The following KLF12 variants were observed in gnomAD, a reference collection of about 807,000 sequenced individuals.
KLF12 encodes the protein Krueppel-like factor 12.
Under a neutral mutation model 37.8 loss-of-function variants are expected in KLF12, and 9 were observed. The observed-to-expected ratio is 0.24, with a 90% confidence interval of 0.14 to 0.42. The LOEUF is 0.42. Ranked by LOEUF, KLF12 falls within the 10% of genes least tolerant of loss-of-function variation. The pLI, the probability that KLF12 is intolerant of heterozygous loss-of-function variation, is 1.00. For synonymous variants in KLF12, 208 were observed against 202.1 expected, an observed-to-expected ratio of 1.03 and a Z score of -0.25; for missense variants, 411 against 516.0, an observed-to-expected ratio of 0.80 and a Z score of 1.97.
chr13:73,917,306 C>A (rs901494484), intron 3 of KLF12, among the ~76,000 whole-genome samples: 7 of 152,148 alleles, frequency 4.6e-5, no homozygotes, highest in African/African-American at 9.7e-5. Flanking sequence ...CTGGTACTAC[C>A]CCCTCTGCCT....
chr13:74,059,507 C>T (rs777716949), intron 1 of KLF12, among the ~76,000 whole-genome samples: 7 of 152,150 alleles, frequency 4.6e-5, no homozygotes, highest in African/African-American at 7.2e-5. Flanking sequence ...GATGATATCT[C>T]ATTGTGGTTT....
rs1364600438 is a variant in KLF12 at position 73,728,828 on chromosome 13, G to A, written c.870-13303C>T. On this transcript the variant is annotated intron_variant, in intron 6 of 7. Coordinates refer to ENST00000377669, the MANE Select transcript of KLF12 (RefSeq NM_007249.5). Reference sequence around the variant, plus strand: ...TGCTTGTAATTTGTTGAAGGCTTTTGAGTCTCCACCCATAAGGGATACTGG... The same window carrying A: ...TGCTTGTAATTTGTTGAAGGCTTTTAAGTCTCCACCCATAAGGGATACTGG... Among the ~76,000 whole-genome samples, 3 of 152,102 alleles carry A rather than the reference G, an allele frequency of 2.0e-5. 1 individual carries two copies. The highest frequency in any genetic ancestry group is 6.3e-3 in the Middle Eastern group (2 of 316).
At chr13:73,766,604 TG>T (rs1278852813) in intron 5 of KLF12, among the ~76,000 whole-genome samples, 2 of 152,184 alleles carry the variant, frequency 1.3e-5, no homozygotes, top group East Asian at 3.9e-4. Context: ...ATACCCTCAC[TG>T]GGGTATCAGA....
the KLF12 span, among the ~76,000 whole-genome samples, chr13:74,180,416 T>C: frequency 6.6e-6 from 1 of 152,344 alleles, no homozygotes; most frequent in South Asian, 2.1e-4. Context: ...TCTTTGCCAA[T>C]GAAGTGACCT....
the KLF12 span, among the ~76,000 whole-genome samples, chr13:74,184,888 A>T: frequency 1.3e-5 from 2 of 152,270 alleles, no homozygotes; most frequent in African/African-American, 4.8e-5. Flanking sequence ...GCATTTGTCT[A>T]AAAGTATAAT....
At chr13:73,869,669 A>G (rs1181898197) in intron 3 of KLF12, among the ~76,000 whole-genome samples, 1 of 151,914 alleles carries the variant, frequency 6.6e-6, no homozygotes, top group Non-Finnish European at 1.5e-5. Context: ...TATACTCAGC[A>G]TATAACATAG....
chr13:74,206,096 C>T, the KLF12 span, among the ~76,000 whole-genome samples: 205 of 152,216 alleles, frequency 1.3e-3, 1 homozygote, highest in African/African-American at 4.7e-3. Flanking sequence ...ACCTGAACTT[C>T]AAGTTTACAC....
At chr13:74,185,940 G>A in the KLF12 span, among the ~76,000 whole-genome samples, 1 of 152,100 alleles carries the variant, frequency 6.6e-6, no homozygotes, top group Admixed American at 6.5e-5. Context: ...CACTGCGACC[G>A]GCCAAGACTT....
At chr13:73,868,798 CA>C (rs1886326019) in intron 3 of KLF12, among the ~76,000 whole-genome samples, 1 of 152,112 alleles carries the variant, frequency 6.6e-6, no homozygotes, top group Non-Finnish European at 1.5e-5. Flanking sequence ...AAACACTTAT[CA>C]AATAAATCAC....
At chr13:73,863,909 C>T (rs902949876) in intron 3 of KLF12, among the ~76,000 whole-genome samples, 1 of 152,102 alleles carries the variant, frequency 6.6e-6, no homozygotes, top group Non-Finnish European at 1.5e-5. Flanking sequence ...GTTATAAAGA[C>T]TATAAATACT....
chr13:73,806,978 C>T (rs1022160153), intron 5 of KLF12, among the ~76,000 whole-genome samples: 1 of 152,022 alleles, frequency 6.6e-6, no homozygotes, highest in Admixed American at 6.6e-5. Flanking sequence ...CCCTTAGATT[C>T]TAACTTTCTT....
At chr13:73,916,877 A>G (rs1888874708) in intron 3 of KLF12, among the ~76,000 whole-genome samples, 1 of 152,224 alleles carries the variant, frequency 6.6e-6, no homozygotes, top group Non-Finnish European at 1.5e-5. Flanking sequence ...GAGCTCCTGT[A>G]GTTATATAAT....
chr13:73,711,391 T>C (rs1395696640), intron 7 of KLF12, among the ~76,000 whole-genome samples: 1 of 152,228 alleles, frequency 6.6e-6, no homozygotes, highest in Non-Finnish European at 1.5e-5. Context: ...TGCCTAGCTT[T>C]AAAGCTTCAA....
At chr13:74,124,535 A>C (rs1877828359) in intron 1 of KLF12, among the ~76,000 whole-genome samples, 1 of 152,226 alleles carries the variant, frequency 6.6e-6, no homozygotes, top group South Asian at 2.1e-4. Context: ...TTTTTCAAAA[A>C]TATGGAAGAC....
the KLF12 span, among the ~76,000 whole-genome samples, chr13:74,276,763 C>T: frequency 1.3e-5 from 2 of 152,312 alleles, no homozygotes; most frequent in African/African-American, 2.4e-5. Context: ...CAGGCTACCC[C>T]GTTTTCACTA....
intron 3 of KLF12, among the ~76,000 whole-genome samples, chr13:73,862,597 C>T (rs1250818382): frequency 5.3e-5 from 8 of 150,588 alleles, no homozygotes; most frequent in East Asian, 2.0e-4. Flanking sequence ...AATTTTAAGA[C>T]GACTATGTTT....
At chr13:74,270,414 C>A in the KLF12 span, among the ~76,000 whole-genome samples, 838 of 152,194 alleles carry the variant, frequency 5.5e-3, 10 homozygotes, top group African/African-American at 0.019. Context: ...ATGATTTAAC[C>A]AATGATGCTA....
the KLF12 span, among the ~76,000 whole-genome samples, chr13:74,223,876 C>A: frequency 6.6e-6 from 1 of 152,124 alleles, no homozygotes; most frequent in African/African-American, 2.4e-5. Context: ...TATTCACAAG[C>A]ACATATTTCA....
At chr13:74,148,689 TC>T in the KLF12 span, among the ~76,000 whole-genome samples, 1 of 152,188 alleles carries the variant, frequency 6.6e-6, no homozygotes, top group Admixed American at 6.5e-5. Flanking sequence ...CACCTTGTCC[TC>T]CTTGAAACAT....
Sources: allele counts gnomAD v4.1 joint callset (sites outside exome capture counted in the v4.1 genomes callset), GRCh38; gene constraint gnomAD v4.1.1; transcripts MANE v1.5; gene names NCBI Gene and HGNC (gene_info 2026-07-23, HGNC 2026-07-21).